WARS1: variants seen among roughly 807,000 people sequenced by gnomAD.
WARS1 encodes the protein tryptophan--tRNA ligase, cytoplasmic.
Under a neutral mutation model 47.8 loss-of-function variants are expected in WARS1, and 17 were observed. The observed-to-expected ratio is 0.36, with a 90% CI of 0.24 to 0.53. The LOEUF (loss-of-function observed/expected upper bound fraction) is 0.53. WARS1 is among the 20% of genes least tolerant of loss of function. The pLI is 0.91. For synonymous variants in WARS1, 208 were observed against 228.1 expected (o/e 0.91, Z 0.79); for missense variants, 434 against 608.0 (o/e 0.71, Z 3.01).
chr14:100,353,671 G>A lies in WARS1; in HGVS notation c.725+16C>T, dbSNP rs774760335. On this transcript the variant is annotated intron_variant, in intron 6 of 10. Transcript: ENST00000392882. ...CCTCTACCTATTGAAAAGGCAGCCA[G>A]ACGTTTTCTCCTTACCCCATGTAGT... is the stretch of plus-strand genomic sequence containing the variant. 37 of 1,611,532 alleles carry A rather than the reference G, an allele frequency of 2.3e-5. No homozygotes were observed. In the African/African-American group the frequency reaches 4.8e-4, roughly 21 times the overall value.
intron 4 of WARS1, among the ~76,000 whole-genome samples, chr14:100,355,160 C>G (rs549190640): frequency 2.0e-5 from 3 of 152,248 alleles, no homozygotes; most frequent in African/African-American, 7.2e-5. Flanking sequence ...TGCCTGCGCC[C>G]CACCTCCAGA....
chr14:100,369,945 G>T (rs1280195667), intron 1 of WARS1, among the ~76,000 whole-genome samples: 1 of 151,870 alleles, frequency 6.6e-6, no homozygotes, highest in East Asian at 1.9e-4. Flanking sequence ...GATTATAGGT[G>T]TGAGCCAAGG....
chr14:100,343,884 C>T (rs577753982), intron 7 of WARS1, among the ~76,000 whole-genome samples: 11 of 152,274 alleles, frequency 7.2e-5, no homozygotes, highest in Admixed American at 3.9e-4. Flanking sequence ...CTGCCCACCT[C>T]GGCCTCCCAA....
intron 7 of WARS1, among the ~76,000 whole-genome samples, chr14:100,345,929 A>AGCACACGCCGCTGTGGC (rs1194564259): frequency 1.3e-5 from 2 of 152,166 alleles, no homozygotes; most frequent in African/African-American, 4.8e-5. Context: ...GACGCTGTGG[A>AGCACACGCCGCTGTGGC]GCACACGCCG....
At chr14:100,375,199 G>C (rs540355237) in intron 1 of WARS1, 84 bp downstream of exon 1, 1 of 152,312 alleles carries the variant, frequency 6.6e-6, no homozygotes, top group South Asian at 2.1e-4. Flanking sequence ...TAAGACACAA[G>C]TCCTGACCCC....
intron 6 of WARS1, among the ~76,000 whole-genome samples, chr14:100,349,187 G>C (rs1894815248): frequency 1.3e-5 from 2 of 152,200 alleles, no homozygotes; most frequent in South Asian, 4.1e-4. Context: ...CAGGTGCCAG[G>C]CGTGGCTTGA....
chr14:100,353,537 C>G, intron 6 of WARS1, 150 bp downstream of exon 6: 1 of 1,009,062 alleles, frequency 9.9e-7, no homozygotes, highest in Non-Finnish European at 1.4e-6. Context: ...TGTGAGCCAC[C>G]ATGGCTGGCC....
chr14:100,361,891 C>G lies in WARS1; in HGVS notation c.130G>C (p.Val44Leu), dbSNP rs371310773. The change falls in exon 3 of 11, where the codon GTG becomes CTG. Residue 44 changes from valine to leucine, a missense_variant. Physicochemically the swap from Val to Leu is conservative, Grantham distance 32. Around this residue, in one of 2 missense-constraint regions of WARS1, gnomAD observed 87 missense variants for 84.2 expected, o/e 1.03. Transcript: ENST00000392882. Reference protein sequence around the residue: ...DEIDSAVKMLVSLKMSYKAAA... With the variant: ...DEIDSAVKMLLSLKMSYKAAA... Reference sequence around the variant, plus strand: ...GCTTTGTAGCTCATTTTTAATGACACCAACATCTTTACTGCAGAATCAATT... The same window carrying G: ...GCTTTGTAGCTCATTTTTAATGACAGCAACATCTTTACTGCAGAATCAATT... 3.4e-5 allele frequency: 55 copies of G among 1,614,074 alleles called. No homozygotes were observed. The African/African-American group carries it at 6.1e-4, about 18-fold the overall frequency.
In WARS1 at chr14:100,349,526, G is replaced by A. The variant is rs1000785922; in HGVS notation, c.726-2680C>T. Among the ~76,000 whole-genome samples the A allele has an allele frequency of 2.8e-4, 42 of 152,198 alleles. 1 individual carries two copies. Among genetic ancestry groups the A allele is most frequent in the Admixed American group, 1.5e-3 (23 of 15,284 alleles). On this transcript the variant is annotated intron_variant, in intron 6 of 10. Transcript: ENST00000392882. ...TCCTCCCATGCCCAGGCCACACAGC[G>A]GACGGCCGTCAAGCAGAGCACTTGC... is the stretch of plus-strand genomic sequence containing the variant.
intron 2 of WARS1, among the ~76,000 whole-genome samples, chr14:100,362,679 C>T (rs572976364): frequency 6.6e-6 from 1 of 152,334 alleles, no homozygotes; most frequent in African/African-American, 2.4e-5. Flanking sequence ...ATGCTATGCC[C>T]TAAAGCTCTA....
At position 100,343,318 on chromosome 14, in the gene WARS1, T is replaced by C. The variant is rs1193765106; in HGVS notation, c.896A>G (p.Asp299Gly). 1 of 1,613,170 alleles carries C rather than the reference T, an allele frequency of 6.2e-7. No homozygotes were observed. Among genetic ancestry groups the C allele is most frequent in the African/African-American group, 1.3e-5 (1 of 74,874 alleles). ...GATAAGGCACTGGATATCCGTCCTG[T>C]CTCGGAAGATCTGTGGGAATGAGTT... ...FSNSFPQIFR[D>G]RTDIQCLIPC... The change falls in exon 8 of 11, where the codon GAC becomes GGC. Residue 299 changes from aspartate to glycine, a missense_variant. Around this residue, in one of 2 missense-constraint regions of WARS1, gnomAD observed 347 missense variants for 523.8 expected, o/e 0.66. Transcript: ENST00000392882.
intron 4 of WARS1, among the ~76,000 whole-genome samples, chr14:100,359,799 A>T (rs1030747927): frequency 2.6e-5 from 4 of 152,256 alleles, no homozygotes; most frequent in Non-Finnish European, 4.4e-5. Context: ...ATGTGAATTA[A>T]GGAAAATTTT....
chr14:100,335,433 A>G (rs1290855759), intron 10 of WARS1, among the ~76,000 whole-genome samples: 7 of 151,344 alleles, frequency 4.6e-5, no homozygotes, highest in African/African-American at 1.7e-4. Flanking sequence ...GTTGGAGTGC[A>G]GTGGCATGAT....
intron 2 of WARS1, chr14:100,365,484 G>A (rs932919713): frequency 7.5e-6 from 2 of 266,922 alleles, no homozygotes; most frequent in Non-Finnish European, 1.5e-5. Flanking sequence ...CGAGGCCAGG[G>A]CAGGAGAATC....
chr14:100,354,683 G>C (rs1895200482), intron 4 of WARS1, 117 bp from the exon 5 acceptor site: 1 of 1,217,148 alleles, frequency 8.2e-7, no homozygotes, highest in African/African-American at 1.5e-5. Flanking sequence ...ATAATAACTA[G>C]AATTTGTTAC....
At chr14:100,359,557 T>C (rs901022231) in intron 4 of WARS1, among the ~76,000 whole-genome samples, 4 of 152,196 alleles carry the variant, frequency 2.6e-5, no homozygotes, top group Non-Finnish European at 5.9e-5. Flanking sequence ...TGTTCCAAAA[T>C]TGGAATGCTA....
At chr14:100,343,643 C>CT (rs942883626) in intron 7 of WARS1, among the ~76,000 whole-genome samples, 23 of 148,588 alleles carry the variant, frequency 1.5e-4, no homozygotes, top group East Asian at 3.9e-4. Context: ...TTTTCTTTTC[C>CT]TTTTTTTTTT....
chr14:100,354,059 T>C (rs986203087), intron 5 of WARS1, 190 bp from the exon 6 acceptor site: 2 of 598,600 alleles, frequency 3.3e-6, no homozygotes, highest in Non-Finnish European at 5.8e-6. Flanking sequence ...ATCGACCAGG[T>C]GGCCCTGTGT....
rs138324067 is a variant in WARS1, at chr14:100,353,712, T to C, written c.700A>G (p.Ile234Val). 8.1e-6 allele frequency: 13 copies of C among 1,614,092 alleles called. No individual in the cohort carries two copies. Among genetic ancestry groups the C allele is most frequent in the Middle Eastern group, 1.6e-4 (1 of 6,084 alleles). Residue 234 changes from isoleucine (I) to valine (V), a missense_variant, in exon 6 of 11, where the codon ATA becomes GTA. Physicochemically the swap from Ile to Val is conservative, Grantham distance 29 (BLOSUM62 3). Coordinates refer to ENST00000392882, the MANE Select transcript of WARS1 (RefSeq NM_004184.4). ...CCCATGTAGTCCAGGTCAGAGAATA[T>C]GAAAGTCTTGTTGATGTCAAAGCCA... ...ACGFDINKTF[I>V]FSDLDYMGMS...
Sources: allele counts gnomAD v4.1 joint callset (sites outside exome capture counted in the v4.1 genomes callset), GRCh38; gene constraint gnomAD v4.1.1; regional missense constraint gnomAD v4.1.1; transcripts MANE v1.5; gene names NCBI Gene and HGNC (gene_info 2026-07-23, HGNC 2026-07-21).